ZC3H18: variants seen among roughly 807,000 people sequenced by gnomAD.
The protein encoded by ZC3H18 is zinc finger CCCH-type containing 18.
Under a neutral mutation model 106.1 loss-of-function variants are expected in ZC3H18, and 8 were observed. The ratio of observed to expected loss-of-function variants is 0.08; its 90% CI spans 0.04 to 0.14. ZC3H18 has a LOEUF of 0.14. Ranked by LOEUF, ZC3H18 falls within the 10% of genes least tolerant of loss-of-function variation. ZC3H18 has a pLI of 1.00. For synonymous variants in ZC3H18, 635 were observed against 522.1 expected (o/e 1.22, Z -2.95); for missense variants, 1,318 against 1,278.4 (o/e 1.03, Z -0.47).
At chr16:88,620,455 C>T (rs1282110171) in intron 8 of ZC3H18, among the ~76,000 whole-genome samples, 2 of 152,076 alleles carry the variant, frequency 1.3e-5, no homozygotes, top group African/African-American at 4.8e-5. Context: ...GTGGTGCACA[C>T]CTGCAGTCCT....
At chr16:88,573,765 C>T (rs1324165809) in intron 1 of ZC3H18, among the ~76,000 whole-genome samples, 4 of 151,772 alleles carry the variant, frequency 2.6e-5, no homozygotes, top group African/African-American at 7.3e-5. Flanking sequence ...GGATAGTAAC[C>T]GAATAGTGTA....
chr16:88,570,893 TGTGTGCCGCCGGCTAAG>T (rs1348475914), intron 1 of ZC3H18, among the ~76,000 whole-genome samples: 1 of 152,202 alleles, frequency 6.6e-6, no homozygotes, highest in Non-Finnish European at 1.5e-5. Flanking sequence ...GCGTGGCACA[TGTGTGCCGCCGGCTAAG>T]GGGCGGTGAG....
At chr16:88,573,868 A>T (rs1400982212) in intron 1 of ZC3H18, among the ~76,000 whole-genome samples, 2 of 151,912 alleles carry the variant, frequency 1.3e-5, no homozygotes, top group Non-Finnish European at 2.9e-5. Context: ...TGTTATTGCT[A>T]ACCATTTAGG....
At chr16:88,582,648 C>G (rs555130599) in intron 2 of ZC3H18, among the ~76,000 whole-genome samples, 3 of 152,160 alleles carry the variant, frequency 2.0e-5, no homozygotes, top group Admixed American at 6.5e-5. Context: ...AAAAGGGCCC[C>G]GTAGCATCAG....
In ZC3H18 at chr16:88,595,805, CAA is replaced by C. The variant is rs11302562; in HGVS notation, c.689-2361_689-2360del. Among the ~76,000 whole-genome samples the C allele has an allele frequency of 1.1e-3, 159 of 143,564 alleles. 1 individual carries two copies. Among genetic ancestry groups the C allele is most frequent in the Non-Finnish European group, 1.3e-3 (86 of 65,598 alleles). 94.2% of individuals were successfully genotyped at this position (143,564 alleles called of 152,430 possible). ...TGGGCAACAGAGCGAGACTCCATCT[CAA>C]AAAAAAAAAAATTAAAAAAAGGAAA... is the stretch of plus-strand genomic sequence containing the variant. On this transcript the variant is annotated intron_variant, in intron 3 of 17. Coordinates refer to ENST00000301011, the MANE Select transcript of ZC3H18 (RefSeq NM_144604.4).
chr16:88,604,810 G>A (rs539960207), intron 6 of ZC3H18, among the ~76,000 whole-genome samples: 1 of 152,292 alleles, frequency 6.6e-6, no homozygotes, highest in East Asian at 1.9e-4. Context: ...CGCACAGGAC[G>A]TCACCTGTGA....
At chr16:88,613,046 C>T (rs865813530) in intron 8 of ZC3H18, among the ~76,000 whole-genome samples, 1 of 152,202 alleles carries the variant, frequency 6.6e-6, no homozygotes, top group Admixed American at 6.5e-5. Context: ...AGTCACTCTC[C>T]ATTTTCCCCA....
At chr16:88,571,596 A>G (rs1914410932) in intron 1 of ZC3H18, 3 of 985,056 alleles carry the variant, frequency 3.0e-6, no homozygotes, top group African/African-American at 1.7e-5. Flanking sequence ...AAAGCCGGAA[A>G]CTCCTCTCCC....
chr16:88,592,220 G>A (rs575136632), intron 3 of ZC3H18, among the ~76,000 whole-genome samples: 4 of 152,276 alleles, frequency 2.6e-5, no homozygotes, highest in Non-Finnish European at 4.4e-5. Flanking sequence ...CATTTCAGTG[G>A]GTAGGAGGTA....
intron 3 of ZC3H18, among the ~76,000 whole-genome samples, chr16:88,593,039 T>A (rs1361465950): frequency 6.6e-6 from 1 of 152,200 alleles, no homozygotes; most frequent in Non-Finnish European, 1.5e-5. Context: ...CAGTAAGAGA[T>A]TAACAACAAT....
intron 7 of ZC3H18, among the ~76,000 whole-genome samples, chr16:88,610,881 C>T (rs868508174): frequency 4.6e-5 from 7 of 152,232 alleles, no homozygotes; most frequent in Non-Finnish European, 8.8e-5. Flanking sequence ...TCTGTGCCAA[C>T]GACACCGGGC....
rs115553208 is a variant in ZC3H18 at position 88,599,853 on chromosome 16, G to A, written c.993G>A (p.Thr331=). 1.9e-3 allele frequency: 3,113 copies of A among 1,614,172 alleles called. 9 individuals are homozygous for A. The highest frequency in any genetic ancestry group is 5.5e-3 in the South Asian group (498 of 91,084). The change falls in exon 6 of 18, where the codon ACG becomes ACA. Residue 331 remains threonine (T), a synonymous_variant. Transcript: ENST00000301011. The stretch of plus-strand genomic sequence containing the variant: ...CTGATTTTGAAGAGAAAAGGTTTAC[G>A]GTGACCATTGGCGAAGACGAACGGG... ...QEPDFEEKRF[T]VTIGEDEREF...
At chr16:88,620,585 G>GA (rs577883900) in intron 8 of ZC3H18, among the ~76,000 whole-genome samples, 11,715 of 102,320 alleles carry the variant, frequency 0.11, 465 homozygotes, top group Middle Eastern at 0.15. Context: ...CTCTAAAAAA[G>GA]AAAAAAAAAA....
chr16:88,624,439 C>G, intron 11 of ZC3H18, 163 bp from the exon 12 acceptor site: 2 of 1,172,564 alleles, frequency 1.7e-6, no homozygotes, highest in Non-Finnish European at 2.4e-6. Flanking sequence ...CCCAAGCACT[C>G]TGACACCGAT....
At chr16:88,615,268 C>T (rs964251244) in intron 8 of ZC3H18, among the ~76,000 whole-genome samples, 2 of 152,232 alleles carry the variant, frequency 1.3e-5, no homozygotes, top group Non-Finnish European at 2.9e-5. Flanking sequence ...CCTCTACCTC[C>T]TCCAGGGTTT....
At chr16:88,617,875 C>A (rs1054758948) in intron 8 of ZC3H18, among the ~76,000 whole-genome samples, 3 of 152,274 alleles carry the variant, frequency 2.0e-5, no homozygotes, top group Non-Finnish European at 2.9e-5. Context: ...GCCCTCTCAT[C>A]TGCCAGTTTG....
At chr16:88,604,658 C>T (rs910159818) in intron 6 of ZC3H18, among the ~76,000 whole-genome samples, 2 of 152,180 alleles carry the variant, frequency 1.3e-5, no homozygotes, top group African/African-American at 4.8e-5. Context: ...TGCACTCCAG[C>T]CTGGGCGACA....
intron 8 of ZC3H18, among the ~76,000 whole-genome samples, chr16:88,612,714 A>T (rs1257309855): frequency 6.6e-6 from 1 of 151,882 alleles, no homozygotes; most frequent in Non-Finnish European, 1.5e-5. Flanking sequence ...GTTTTAAAAA[A>T]ATCTAGGCTG....
chr16:88,617,641 G>C (rs1301964650), intron 8 of ZC3H18, among the ~76,000 whole-genome samples: 2 of 152,342 alleles, frequency 1.3e-5, no homozygotes, highest in South Asian at 4.1e-4. Context: ...GCAGCTTTGG[G>C]TGCCCCTTCA....
Sources: gnomAD v4.1 joint callset for allele counts (sites outside exome capture counted in the v4.1 genomes callset) on GRCh38, gnomAD v4.1.1 for gene constraint, MANE v1.5 for transcripts, NCBI Gene and HGNC (gene_info 2026-07-23, HGNC 2026-07-21) for gene names.